The following TCERG1 variants were observed in gnomAD, a reference collection of about 807,000 sequenced individuals.
TCERG1 encodes the protein transcription elongation regulator 1.
A neutral mutation model predicts 144.7 loss-of-function variants in TCERG1; 37 were observed. That is an observed-to-expected ratio of 0.26 (90% CI 0.20 to 0.34). The LOEUF is 0.34. TCERG1 is among the 10% of genes least tolerant of loss of function. TCERG1 has a pLI of 1.00. For missense variants in TCERG1, 1,027 were observed against 1,380.7 expected (o/e 0.74, Z 4.06); for synonymous variants, 492 against 458.2 (o/e 1.07, Z -0.94).
intron 5 of TCERG1, among the ~76,000 whole-genome samples, chr5:146,466,185 A>C (rs1418886253): frequency 1.3e-5 from 2 of 152,126 alleles, no homozygotes; most frequent in East Asian, 1.9e-4. Flanking sequence ...TTCTTCCCCA[A>C]ATCTTTGGTT....
At chr5:146,447,639 T>A (rs780258023) in intron 1 of TCERG1, among the ~76,000 whole-genome samples, 1 of 152,242 alleles carries the variant, frequency 6.6e-6, no homozygotes, top group African/African-American at 2.4e-5. Flanking sequence ...TAGTGCTTTC[T>A]TGGGGCCTCG....
Position 146,501,887 on chromosome 5 carries a change from C to CTT in TCERG1, c.2434-1463_2434-1462dup, listed in dbSNP as rs70998087. On this transcript the variant is annotated intron_variant, in intron 17 of 22. Transcript: ENST00000679501. ...TTTTCCAGAAAGAACATCAACTTCA[C>CTT]TTTTTTTTTTTTTTTTTTTTTTTTT... 4.4e-4 allele frequency among the ~76,000 whole-genome samples: 32 copies of CTT among 73,426 alleles called. 1 individual carries two copies. Among genetic ancestry groups the CTT allele is most frequent in the African/African-American group, 7.8e-4 (15 of 19,166 alleles). 48.2% of individuals were successfully genotyped at this position (73,426 alleles called of 152,430 possible).
At chr5:146,473,162 G>T (rs1401600257) in intron 9 of TCERG1, among the ~76,000 whole-genome samples, 2 of 152,246 alleles carry the variant, frequency 1.3e-5, no homozygotes, top group Non-Finnish European at 2.9e-5. Flanking sequence ...TGCTATTCAT[G>T]TGAACATAAG....
chr5:146,475,488 A>G (rs1193189215), intron 9 of TCERG1, among the ~76,000 whole-genome samples: 1 of 152,198 alleles, frequency 6.6e-6, no homozygotes, highest in African/African-American at 2.4e-5. Context: ...ACATCCTATT[A>G]TGCACTGGAC....
In TCERG1 at chr5:146,506,956, G is replaced by T. The variant is rs1768058600; in HGVS notation, c.2782-72G>T. 9 of 1,302,162 alleles carry T rather than the reference G, an allele frequency of 6.9e-6. No homozygotes were observed. In the Admixed American group the frequency reaches 2.3e-4, roughly 34 times the overall value. 80.7% of individuals were successfully genotyped at this position (1,302,162 alleles called of 1,614,324 possible). On this transcript the variant is annotated intron_variant, in intron 19 of 22. Transcript: ENST00000679501. ...CTTGGCTATTGTGAATAATGCTGCA[G>T]TGGACATGGAAGTGCAAATGGACAT...
rs1198628310 is a variant in TCERG1 at position 146,507,483 on chromosome 5, T to C, written c.2961+276T>C. The C allele has an allele frequency of 1.1e-5, 4 of 357,796 alleles. No homozygotes were observed. The highest frequency in any genetic ancestry group is 1.9e-4 in the South Asian group (2 of 10,744). 22.2% of individuals were successfully genotyped at this position (357,796 alleles called of 1,614,324 possible). A position where few individuals can be genotyped will look rare whatever the true frequency, so the allele number is the denominator to read the frequency against. On this transcript the variant is annotated intron_variant, in intron 20 of 22. Transcript: ENST00000679501. This position sits in a 1 kb window ranked among gnomAD's most constrained non-coding sequence, Gnocchi z 4.6. ...CCCTCCTAATAATAGATTTAGCAAA[T>C]TTCTTCTTTTGATCCATTTTCAATT...
At chr5:146,478,688 T>C (rs759507851) in intron 10 of TCERG1, 35 bp downstream of exon 10, 5 of 1,519,894 alleles carry the variant, frequency 3.3e-6, no homozygotes, top group Non-Finnish European at 4.4e-6. Flanking sequence ...CCACTGATTT[T>C]AACATTCTTT....
chr5:146,482,828 G>C (rs1022640321), intron 14 of TCERG1, 101 bp downstream of exon 14: 6 of 1,330,112 alleles, frequency 4.5e-6, no homozygotes, highest in East Asian at 5.6e-5. Flanking sequence ...CATGTTATGG[G>C]GGGGGATAAG....
intron 6 of TCERG1, among the ~76,000 whole-genome samples, chr5:146,469,115 C>G (rs983750552): frequency 1.3e-5 from 2 of 151,894 alleles, no homozygotes; most frequent in African/African-American, 4.8e-5. Flanking sequence ...AATATTCATA[C>G]CCTTTTAGTT....
At chr5:146,454,804 T>G (rs10037334) in intron 1 of TCERG1, among the ~76,000 whole-genome samples, 48,868 of 151,862 alleles carry the variant, frequency 0.32, 8,699 homozygotes, top group East Asian at 0.84. Flanking sequence ...CACCATGTTG[T>G]CGAGGTTGGT....
In TCERG1 at chr5:146,447,939, C is replaced by T. The variant is rs527390016; in HGVS notation, c.59+531C>T. ...TGCTTGCCTTTCTTAACTTCTGTGG[C>T]TTTTCTTCCTTTTTTCATCCCTTTA... On this transcript the variant is annotated intron_variant, in intron 1 of 22. Coordinates refer to ENST00000679501, the MANE Select transcript of TCERG1 (RefSeq NM_001382548.1). 1.4e-4 allele frequency among the ~76,000 whole-genome samples: 22 copies of T among 152,346 alleles called. No individual in the cohort carries two copies. The South Asian group carries it at 4.1e-3, about 29-fold the overall frequency.
intron 6 of TCERG1, among the ~76,000 whole-genome samples, chr5:146,469,340 T>C (rs553510807): frequency 3.9e-4 from 60 of 152,344 alleles, no homozygotes; most frequent in African/African-American, 1.3e-3. Flanking sequence ...CTGTGTCTAA[T>C]TGAGTTTAGG....
chr5:146,488,830 C>T (rs1422567592), intron 15 of TCERG1, among the ~76,000 whole-genome samples: 1 of 152,024 alleles, frequency 6.6e-6, no homozygotes, highest in Non-Finnish European at 1.5e-5. Flanking sequence ...ACCTAGGTGT[C>T]CAACAACAGA....
At chr5:146,458,843 GAC>G (rs749964602) in intron 3 of TCERG1, 39 bp from the exon 4 acceptor site, 2 of 1,558,878 alleles carry the variant, frequency 1.3e-6, no homozygotes, top group Non-Finnish European at 1.7e-6. Context: ...AATAATAACT[GAC>G]AGATTTTATG....
At chr5:146,469,925 T>C in intron 7 of TCERG1, 181 bp downstream of exon 7, 1 of 449,244 alleles carries the variant, frequency 2.2e-6, no homozygotes, top group Non-Finnish European at 3.7e-6. Context: ...TCTACTTACA[T>C]GTTTGTCATC....
intron 16 of TCERG1, among the ~76,000 whole-genome samples, chr5:146,498,200 T>TG (rs1387271204): frequency 6.6e-6 from 1 of 152,170 alleles, no homozygotes; most frequent in Admixed American, 6.5e-5. Context: ...CTATTATGGC[T>TG]GGAGGAAGGA....
chr5:146,449,501 C>T (rs1762173911), intron 1 of TCERG1, among the ~76,000 whole-genome samples: 1 of 152,202 alleles, frequency 6.6e-6, no homozygotes, highest in African/African-American at 2.4e-5. Context: ...CTGGACTAAA[C>T]CTCAGGTCTC....
intron 6 of TCERG1, among the ~76,000 whole-genome samples, chr5:146,469,233 A>T (rs79372970): frequency 1.3e-5 from 2 of 152,182 alleles, no homozygotes; most frequent in East Asian, 3.8e-4. Context: ...ATTTCTATTC[A>T]TAAGTAGAGA....
intron 16 of TCERG1, among the ~76,000 whole-genome samples, chr5:146,495,920 C>T (rs1181703502): frequency 1.3e-5 from 2 of 152,040 alleles, no homozygotes; most frequent in Admixed American, 1.3e-4. Context: ...TTTGGGAGGC[C>T]GAGGCAGGTG....
Sources: allele counts gnomAD v4.1 joint callset (sites outside exome capture counted in the v4.1 genomes callset), GRCh38; gene constraint gnomAD v4.1.1; non-coding constraint Gnocchi (gnomAD v3.1); transcripts MANE v1.5; gene names NCBI Gene and HGNC (gene_info 2026-07-23, HGNC 2026-07-21).